SASH1: variants seen among roughly 807,000 people sequenced by gnomAD.
The protein encoded by SASH1 is SAM and SH3 domain-containing protein 1.
In SASH1, 44 loss-of-function variants were observed where a neutral mutation model predicts 125.2. The observed-to-expected ratio is 0.35, with a 90% CI of 0.28 to 0.45. The LOEUF (loss-of-function observed/expected upper bound fraction) is 0.45. Among genes scored for constraint, SASH1 ranks in the 20% least tolerant of loss-of-function variants. SASH1 has a pLI of 1.00. For synonymous variants in SASH1, 639 were observed against 649.1 expected, an observed-to-expected ratio of 0.98 and a Z score of 0.24; for missense variants, 1,426 against 1,614.5, an observed-to-expected ratio of 0.88 and a Z score of 2.00.
intron 1 of SASH1, among the ~76,000 whole-genome samples, chr6:148,335,481 AAAAAG>A (rs1781129588): frequency 6.6e-6 from 1 of 151,742 alleles, no homozygotes; most frequent in African/African-American, 2.4e-5. Context: ...AAAAAAAAAA[AAAAAG>A]AATTCAAATC....
At chr6:148,505,320 T>G (rs922486856) in intron 8 of SASH1, among the ~76,000 whole-genome samples, 1 of 152,176 alleles carries the variant, frequency 6.6e-6, no homozygotes, top group Non-Finnish European at 1.5e-5. Flanking sequence ...GTTTTTTCTG[T>G]TTTTGTTTTT....
rs761992485 is a variant in SASH1 at position 148,519,617 on chromosome 6, C to T, written c.933C>T (p.His311=). The change falls in exon 10 of 20, where the codon CAC becomes CAT. Residue 311 remains histidine (H), a synonymous_variant. Coordinates refer to ENST00000367467, the MANE Select transcript of SASH1 (RefSeq NM_015278.5). The surrounding 1 kb of genome is among the most constrained non-coding windows in gnomAD (Gnocchi z 4.8). ...DERSALYSGV[H]KKPLFFDGSP... is the part of the protein sequence containing the mutation. ...GGTCCGCCCTCTACTCTGGCGTGCACAAGAAGCCCCTTTTCTTTGATGGCT... is the reference window on the plus strand; with the variant it reads ...GGTCCGCCCTCTACTCTGGCGTGCATAAGAAGCCCCTTTTCTTTGATGGCT... The T allele has an allele frequency of 6.2e-7, 1 of 1,614,150 alleles. No individual in the cohort carries two copies. Among genetic ancestry groups the T allele is most frequent in the South Asian group, 1.1e-5 (1 of 91,080 alleles).
At chr6:148,473,293 C>T (rs1778196004) in intron 6 of SASH1, among the ~76,000 whole-genome samples, 1 of 152,108 alleles carries the variant, frequency 6.6e-6, no homozygotes, top group Non-Finnish European at 1.5e-5. Context: ...TGCTCTGTCA[C>T]GTAGGCTGGA....
chr6:148,494,429 G>A (rs1779230639), intron 8 of SASH1, among the ~76,000 whole-genome samples: 1 of 152,170 alleles, frequency 6.6e-6, no homozygotes, highest in Non-Finnish European at 1.5e-5. Context: ...GTTGTTTTGA[G>A]TGAGTAAAGC....
chr6:148,296,173 T>G (rs543567175), intron 1 of SASH1, among the ~76,000 whole-genome samples: 171 of 152,312 alleles, frequency 1.1e-3, no homozygotes, highest in African/African-American at 4.0e-3. Flanking sequence ...TTACCCAGGT[T>G]GGAGTGCAGT....
At chr6:148,502,170 A>C (rs1024751636) in intron 8 of SASH1, among the ~76,000 whole-genome samples, 7 of 152,208 alleles carry the variant, frequency 4.6e-5, no homozygotes, top group Admixed American at 4.6e-4. Context: ...GTTAATTTTG[A>C]AACTGCCAGA....
At chr6:148,303,782 A>AAAAT (rs201590424) in intron 1 of SASH1, among the ~76,000 whole-genome samples, 9,657 of 147,332 alleles carry the variant, frequency 0.066, 344 homozygotes, top group Non-Finnish European at 0.073. Flanking sequence ...CTGTCTCAAC[A>AAAAT]AAATAAATAA....
intron 8 of SASH1, among the ~76,000 whole-genome samples, chr6:148,503,772 AAAG>A (rs1405541088): frequency 2.0e-5 from 3 of 151,900 alleles, no homozygotes; most frequent in Non-Finnish European, 2.9e-5. Flanking sequence ...AAAAAAAAAA[AAAG>A]AAACATACAG....
At chr6:148,499,265 C>T (rs1050613478) in intron 8 of SASH1, among the ~76,000 whole-genome samples, 3 of 152,068 alleles carry the variant, frequency 2.0e-5, no homozygotes, top group Admixed American at 6.5e-5. Flanking sequence ...CTATGCCGTT[C>T]ATCTCCCTCT....
intron 4 of SASH1, among the ~76,000 whole-genome samples, chr6:148,446,234 C>G (rs202210875): frequency 1.4e-4 from 21 of 151,350 alleles, no homozygotes; most frequent in Non-Finnish European, 2.5e-4. Context: ...TCAGCCTCCC[C>G]AGTAGCTGGG....
chr6:148,512,336 C>A, intron 8 of SASH1: 1 of 339,230 alleles, frequency 2.9e-6, no homozygotes, highest in Non-Finnish European at 4.2e-6. Context: ...TAGGTTTGTC[C>A]CGTTGATAGT....
rs950516647 is a variant in SASH1 at position 148,537,771 on chromosome 6, A to G, written c.2096-2672A>G. Among the ~76,000 whole-genome samples, 3 of 122,874 alleles carry G rather than the reference A, an allele frequency of 2.4e-5. 1 individual carries two copies. 80.6% of individuals were successfully genotyped at this position (122,874 alleles called of 152,430 possible). A position where few individuals can be genotyped will look rare whatever the true frequency, so the allele number is the denominator to read the frequency against. ...TTGGAATATTCATAGGTGTCTTAGC[A>G]TATTCTGTGTGTGTGTGTGTGTGTG... On this transcript the variant is annotated intron_variant, in intron 16 of 19. Coordinates refer to ENST00000367467, the MANE Select transcript of SASH1 (RefSeq NM_015278.5).
At chr6:148,408,472 C>T (rs1184012230) in intron 2 of SASH1, among the ~76,000 whole-genome samples, 1 of 152,070 alleles carries the variant, frequency 6.6e-6, no homozygotes, top group Non-Finnish European at 1.5e-5. Flanking sequence ...CAAGTCTTTC[C>T]CCATTTATGA....
At chr6:148,386,160 A>G (rs1452609220) in intron 1 of SASH1, among the ~76,000 whole-genome samples, 8 of 151,982 alleles carry the variant, frequency 5.3e-5, no homozygotes, top group African/African-American at 1.9e-4. Flanking sequence ...AGGGAGGGGA[A>G]CCACCTCCCC....
chr6:148,415,603 A>G (rs1784790167), intron 2 of SASH1, among the ~76,000 whole-genome samples: 1 of 152,254 alleles, frequency 6.6e-6, no homozygotes, highest in Admixed American at 6.5e-5. Context: ...GGGAGCACAG[A>G]TATCTGAAAG....
chr6:148,201,093 C>T, the SASH1 span, among the ~76,000 whole-genome samples: 1 of 152,120 alleles, frequency 6.6e-6, no homozygotes, highest in African/African-American at 2.4e-5. Flanking sequence ...GAGATAAAAA[C>T]ACCATAGAGA....
intron 12 of SASH1, among the ~76,000 whole-genome samples, chr6:148,528,445 C>T (rs1248250768): frequency 2.0e-5 from 3 of 152,198 alleles, no homozygotes; most frequent in Non-Finnish European, 2.9e-5. Flanking sequence ...CATTTTTGCT[C>T]AGCTGCTGCT....
chr6:148,381,951 C>G (rs549857639), intron 1 of SASH1, among the ~76,000 whole-genome samples: 17 of 152,176 alleles, frequency 1.1e-4, no homozygotes, highest in Non-Finnish European at 2.2e-4. Context: ...CTGTGCTCTT[C>G]TAATATGCTA....
intron 1 of SASH1, among the ~76,000 whole-genome samples, chr6:148,369,966 CAAA>C (rs562924566): frequency 1.7e-4 from 16 of 93,596 alleles, no homozygotes; most frequent in Admixed American, 6.7e-4. Flanking sequence ...AAAAGAAAAA[CAAA>C]AAAAAAAAAA....
Sources: gnomAD v4.1 joint callset for allele counts (sites outside exome capture counted in the v4.1 genomes callset) on GRCh38, gnomAD v4.1.1 for gene constraint, Gnocchi (gnomAD v3.1) non-coding constraint, MANE v1.5 for transcripts, NCBI Gene and HGNC (gene_info 2026-07-23, HGNC 2026-07-21) for gene names.